Variants in SLC3A1 observed in about 807,000 individuals in gnomAD.
SLC3A1 encodes the protein solute carrier family 3 member 1, also known as amino acid transporter heavy chain SLC3A1.
A neutral mutation model predicts 60.3 loss-of-function variants in SLC3A1; 78 were observed. That is an observed-to-expected ratio of 1.29 (90% CI 1.08 to 1.56). The LOEUF is 1.56. Among genes scored for constraint, SLC3A1 ranks in the 40% most tolerant of loss-of-function variants. The probability of loss-of-function intolerance (pLI) is 0.00; values close to 1 mark genes in which losing one functional copy is unlikely to be tolerated. For missense variants in SLC3A1, 1,172 were observed against 858.9 expected (o/e 1.36, Z -4.56); for synonymous variants, 392 against 307.9 (o/e 1.27, Z -2.86).
intron 7 of SLC3A1, among the ~76,000 whole-genome samples, chr2:44,306,737 T>G (rs923590404): frequency 3.3e-5 from 5 of 151,694 alleles, no homozygotes; most frequent in African/African-American, 1.2e-4. Flanking sequence ...GTATTTTTAG[T>G]AGGGACACGG....
intron 7 of SLC3A1, among the ~76,000 whole-genome samples, chr2:44,312,323 T>A (rs1672317978): frequency 6.6e-6 from 1 of 152,194 alleles, no homozygotes; most frequent in South Asian, 2.1e-4. Context: ...TATGAGAAAA[T>A]ATGACTATGT....
intron 3 of SLC3A1, chr2:44,285,756 AGTTGACCTTGTCTTGG>A: frequency 1.6e-6 from 1 of 608,464 alleles, no homozygotes; most frequent in Non-Finnish European, 3.2e-6. Context: ...CAGTTCCTTA[AGTTGACCTTGTCTTGG>A]GTTTGAGAAC....
chr2:44,285,946 C>A, intron 3 of SLC3A1, 86 bp from the exon 4 acceptor site: 1 of 1,524,788 alleles, frequency 6.6e-7, no homozygotes, highest in Non-Finnish European at 9.1e-7. Flanking sequence ...CATACTCTGC[C>A]TGCAAAGGAT....
rs2104380071 is a variant in SLC3A1, at chr2:44,309,890, G to A, written c.1333-2696G>A. 2.0e-5 allele frequency among the ~76,000 whole-genome samples: 3 copies of A among 151,578 alleles called. No homozygotes were observed. In the East Asian group the frequency reaches 5.8e-4, roughly 29 times the overall value. On this transcript the variant is annotated intron_variant, in intron 7 of 9. Coordinates refer to ENST00000260649, the MANE Select transcript of SLC3A1 (RefSeq NM_000341.4). ...TGGGATTACAGGCATAAGCCACTGT[G>A]CCCAGGCTTTTTTTTTGAGACAGGG... is the stretch of plus-strand genomic sequence containing the variant.
At position 44,320,505 on chromosome 2, in the gene SLC3A1, A is replaced by C. The variant is rs1249819352; in HGVS notation, c.1924A>C (p.Lys642Gln). The change falls in exon 10 of 10, where the codon AAG becomes CAG. Residue 642 changes from lysine (K) to glutamine (Q), a missense_variant. Lys to Gln is a moderately conservative substitution (Grantham distance 53). Coordinates refer to ENST00000260649, the MANE Select transcript of SLC3A1 (RefSeq NM_000341.4). ...TGATACAAGTGGCATTTTTCTGGAC[A>C]AGGGAGAGGGACTCATCTTTGAACA... Reference protein sequence around the residue: ...KVDTSGIFLDKGEGLIFEHNT... With the variant: ...KVDTSGIFLDQGEGLIFEHNT... 6 of 1,614,026 alleles carry C rather than the reference A, an allele frequency of 3.7e-6. No homozygotes were observed.
chr2:44,304,065 G>A, intron 6 of SLC3A1, 78 bp from the exon 7 acceptor site: 1 of 1,064,772 alleles, frequency 9.4e-7, no homozygotes, highest in Non-Finnish European at 1.5e-6. Flanking sequence ...TCTTGTACAT[G>A]CAAGATAAGC....
intron 6 of SLC3A1, 120 bp from the exon 7 acceptor site, chr2:44,304,023 A>G (rs1217291738): frequency 1.2e-5 from 10 of 805,698 alleles, no homozygotes; most frequent in Non-Finnish European, 1.8e-5. Flanking sequence ...TGCTAGTCCT[A>G]TATGGTTAAT....
intron 9 of SLC3A1, chr2:44,318,101 T>C (rs780417877): frequency 2.2e-5 from 10 of 449,408 alleles, no homozygotes. Flanking sequence ...CACTGTTTTT[T>C]TTTTTTTTTG....
Position 44,320,224 on chromosome 2 carries a change from C to T in SLC3A1, c.1643C>T (p.Ala548Val). The change falls in exon 10 of 10, where the codon GCT becomes GTT. Residue 548 changes from alanine (A) to valine (V), a missense_variant. Coordinates refer to ENST00000260649, the MANE Select transcript of SLC3A1 (RefSeq NM_000341.4). The stretch of plus-strand genomic sequence containing the variant: ...GTCCAAAAGACTCAGCCCAGATCGG[C>T]TTTGAAGTTATATCAAGATTTAAGT... ...VDVQKTQPRS[A>V]LKLYQDLSLL... 1 of 1,613,882 alleles carries T rather than the reference C, an allele frequency of 6.2e-7. No individual in the cohort carries two copies. Among genetic ancestry groups the T allele is most frequent in the South Asian group, 1.1e-5 (1 of 91,048 alleles).
intron 4 of SLC3A1, among the ~76,000 whole-genome samples, chr2:44,292,790 G>A (rs1310853550): frequency 6.6e-6 from 1 of 152,166 alleles, no homozygotes; most frequent in Non-Finnish European, 1.5e-5. Flanking sequence ...GGAGTGACCC[G>A]ATGAGACTAG....
intron 7 of SLC3A1, among the ~76,000 whole-genome samples, chr2:44,307,743 G>T (rs1672193887): frequency 6.6e-6 from 1 of 152,064 alleles, no homozygotes; most frequent in South Asian, 2.1e-4. Context: ...ATACTGGATA[G>T]GTGATTTGCA....
chr2:44,302,791 G>C (rs1024297092), intron 6 of SLC3A1, among the ~76,000 whole-genome samples: 1 of 152,232 alleles, frequency 6.6e-6, no homozygotes, highest in African/African-American at 2.4e-5. Context: ...GATTCTAAAT[G>C]GAGTGATGAG....
chr2:44,304,721 T>C (rs1402336043), intron 7 of SLC3A1, among the ~76,000 whole-genome samples: 3 of 152,012 alleles, frequency 2.0e-5, no homozygotes, highest in Admixed American at 6.6e-5. Flanking sequence ...AACACCAATT[T>C]GTGGGGCAGG....
At chr2:44,318,153 T>G (rs1368912991) in intron 9 of SLC3A1, 4 of 439,876 alleles carry the variant, frequency 9.1e-6, no homozygotes, top group Non-Finnish European at 1.8e-5. Flanking sequence ...TGCAGTGGCG[T>G]GATCTCGGCA....
chr2:44,292,170 G>A (rs1671754007), intron 4 of SLC3A1, among the ~76,000 whole-genome samples: 1 of 152,018 alleles, frequency 6.6e-6, no homozygotes, highest in South Asian at 2.1e-4. Flanking sequence ...GGTTTGGAGT[G>A]ATCCTACACC....
At chr2:44,280,592 C>A (rs1671472770) in intron 1 of SLC3A1, 124 bp from the exon 2 acceptor site, 1 of 717,710 alleles carries the variant, frequency 1.4e-6, no homozygotes, top group Non-Finnish European at 2.4e-6. Context: ...TACTCAAATT[C>A]AACAAAATTC....
At chr2:44,309,556 T>C (rs1339461302) in intron 7 of SLC3A1, among the ~76,000 whole-genome samples, 2 of 152,096 alleles carry the variant, frequency 1.3e-5, no homozygotes, top group African/African-American at 2.4e-5. Flanking sequence ...TTCAATTCTT[T>C]TGGATCTATA....
At chr2:44,309,111 T>C (rs930171080) in intron 7 of SLC3A1, among the ~76,000 whole-genome samples, 3 of 152,192 alleles carry the variant, frequency 2.0e-5, no homozygotes, top group Non-Finnish European at 2.9e-5. Context: ...TGTAATTCAA[T>C]GCATTAAATA....
In SLC3A1 at chr2:44,300,016, T is replaced by C. The variant is rs1415081774; in HGVS notation, c.937T>C (p.Leu313=). Residue 313 remains leucine, a synonymous_variant, in exon 5 of 10, where the codon TTG becomes CTG. Coordinates refer to ENST00000260649, the MANE Select transcript of SLC3A1 (RefSeq NM_000341.4). ...WLTKGVDGFS[L]DAVKFLLEAK... is the part of the protein sequence containing the mutation. Reference sequence around the variant, plus strand: ...CACAAAGGGTGTTGATGGTTTTAGTTTGGATGCTGTTAAATTCCTCCTAGA... The same window carrying C: ...CACAAAGGGTGTTGATGGTTTTAGTCTGGATGCTGTTAAATTCCTCCTAGA... The C allele has an allele frequency of 1.2e-6, 2 of 1,613,980 alleles. No individual in the cohort carries two copies. The highest frequency in any genetic ancestry group is 1.7e-5 in the Admixed American group (1 of 60,028).
Sources: gnomAD v4.1 joint callset for allele counts (sites outside exome capture counted in the v4.1 genomes callset) on GRCh38, gnomAD v4.1.1 for gene constraint, MANE v1.5 for transcripts, NCBI Gene and HGNC (gene_info 2026-07-23, HGNC 2026-07-21) for gene names.